NUP160: variants seen among roughly 807,000 people sequenced by gnomAD.
NUP160 encodes nucleoporin 160, also known as nuclear pore complex protein Nup160.
In NUP160, 94 loss-of-function variants were observed where a neutral mutation model predicts 196.9. The observed-to-expected ratio is 0.48, with a 90% CI of 0.40 to 0.57. NUP160 has a LOEUF of 0.57. NUP160 is among the 20% of genes least tolerant of loss of function. The pLI, the probability that NUP160 is intolerant of heterozygous loss-of-function variation, is 0.00. For missense variants in NUP160, 1,638 were observed against 1,748.3 expected, an observed-to-expected ratio of 0.94 and a Z score of 1.13; for synonymous variants, 605 against 619.7, an observed-to-expected ratio of 0.98 and a Z score of 0.35.
rs745909544 is a variant in NUP160, at chr11:47,840,368, G to A, written c.525+10C>T. On this transcript the variant is annotated intron_variant, in intron 3 of 35. Transcript: ENST00000378460. The stretch of plus-strand genomic sequence containing the variant: ...TGGGAAATAAAAGATATTGCACTTA[G>A]CCAACTTACACTCCTATACATCCGG... 2 of 1,606,884 alleles carry A rather than the reference G, an allele frequency of 1.2e-6. No individual in the cohort carries two copies. Among genetic ancestry groups the A allele is most frequent in the South Asian group, 2.2e-5 (2 of 90,922 alleles).
intron 13 of NUP160, among the ~76,000 whole-genome samples, chr11:47,814,664 ATAT>A (rs1599328042): frequency 6.6e-6 from 1 of 152,016 alleles, no homozygotes; most frequent in African/African-American, 2.4e-5. Context: ...AAGCTGTATA[ATAT>A]TATGTCAATA....
chr11:47,819,554 G>T (rs916222338), intron 9 of NUP160, 96 bp from the exon 10 acceptor site: 2 of 697,158 alleles, frequency 2.9e-6, no homozygotes, highest in African/African-American at 3.6e-5. Context: ...ACCCCATCAC[G>T]GAACCCGGCA....
intron 27 of NUP160, 27 bp from the exon 28 acceptor site, chr11:47,792,973 T>C (rs780328174): frequency 2.3e-5 from 36 of 1,584,740 alleles, no homozygotes; most frequent in Admixed American, 3.8e-5. Context: ...AATTAGACTT[T>C]AGAACTTCCA....
rs61755075 is a variant in NUP160 at position 47,792,915 on chromosome 11, C to A, written c.3321G>T (p.Arg1107=). ...GGAGAGTTCGAACTTCTCTGCCAAGCCGCATTCCATACTCAAACATCACTG... is the reference window on the plus strand; with the variant it reads ...GGAGAGTTCGAACTTCTCTGCCAAGACGCATTCCATACTCAAACATCACTG... The change falls in exon 28 of 36, where the codon CGG becomes CGT. Residue 1107 remains arginine (R), a synonymous_variant. Transcript: ENST00000378460. 255 of 1,613,946 alleles carry A rather than the reference C, an allele frequency of 1.6e-4. 1 individual carries two copies. The highest frequency in any genetic ancestry group is 1.6e-3 in the South Asian group (142 of 91,048).
At chr11:47,809,256 CAAAA>C (rs35748617) in intron 17 of NUP160, among the ~76,000 whole-genome samples, 1 of 94,772 alleles carries the variant, frequency 1.1e-5, no homozygotes, top group Non-Finnish European at 1.9e-5. Context: ...GAACTTGTCT[CAAAA>C]AAAAAAAAAA....
At chr11:47,840,956 T>C (rs1004230871) in intron 2 of NUP160, among the ~76,000 whole-genome samples, 2 of 152,162 alleles carry the variant, frequency 1.3e-5, no homozygotes, top group Admixed American at 6.6e-5. Flanking sequence ...ACCTTAATAA[T>C]TGCGGTTATT....
At chr11:47,795,428 T>C (rs1012710915) in intron 27 of NUP160, among the ~76,000 whole-genome samples, 1 of 152,152 alleles carries the variant, frequency 6.6e-6, no homozygotes, top group Non-Finnish European at 1.5e-5. Flanking sequence ...CCTTCCTATA[T>C]GATTCAAGAA....
chr11:47,841,927 C>A (rs1442761887), intron 2 of NUP160, among the ~76,000 whole-genome samples: 2 of 151,708 alleles, frequency 1.3e-5, no homozygotes, highest in Non-Finnish European at 2.9e-5. Context: ...GGCCTCAAGC[C>A]TCCCAAAGTG....
intron 11 of NUP160, 135 bp downstream of exon 11, chr11:47,817,921 A>C (rs1270721912): frequency 1.8e-6 from 1 of 550,474 alleles, no homozygotes; most frequent in Non-Finnish European, 3.3e-6. Flanking sequence ...AAATTATAAA[A>C]GTATTTACAA....
At chr11:47,827,286 C>T (rs1039730480) in intron 7 of NUP160, 1 of 384,706 alleles carries the variant, frequency 2.6e-6, no homozygotes, top group Non-Finnish European at 5.2e-6. Context: ...ATCGCTTGAA[C>T]CTGAGAGGTG....
intron 4 of NUP160, among the ~76,000 whole-genome samples, chr11:47,838,102 C>CAGG (rs778459348): frequency 6.6e-5 from 10 of 152,046 alleles, no homozygotes; most frequent in Non-Finnish European, 1.2e-4. Flanking sequence ...CAGAGAGTGC[C>CAGG]AGGATATAGG....
intron 3 of NUP160, 64 bp downstream of exon 3, chr11:47,840,314 G>T: frequency 7.3e-7 from 1 of 1,370,982 alleles, no homozygotes; most frequent in Non-Finnish European, 1.0e-6. Flanking sequence ...CATCGCTCCA[G>T]CACTACATTT....
chr11:47,813,528 A>C, intron 13 of NUP160, 113 bp from the exon 14 acceptor site: 2 of 660,330 alleles, frequency 3.0e-6, no homozygotes, highest in Non-Finnish European at 5.4e-6. Context: ...ACACTCTATA[A>C]AATAATAGGT....
At chr11:47,803,301 G>A (rs1031670520) in intron 22 of NUP160, 137 bp downstream of exon 22, 10 of 596,846 alleles carry the variant, frequency 1.7e-5, no homozygotes, top group African/African-American at 3.7e-5. Context: ...GCCTTTGACT[G>A]GCATTAGTAC....
In NUP160 at chr11:47,778,862, G is replaced by A. The variant is rs1273571634; in HGVS notation, c.*243C>T. The stretch of plus-strand genomic sequence containing the variant: ...AAAAATATAAACTCTAAAAAAGCTC[G>A]TGAATCATATACAAAAGCAGCTATT... On this transcript the variant is annotated 3_prime_UTR_variant, in exon 36 of 36. Coordinates refer to ENST00000378460, the Ensembl canonical transcript of NUP160. 4 of 351,040 alleles carry A rather than the reference G, an allele frequency of 1.1e-5. No individual in the cohort carries two copies. In the South Asian group the frequency reaches 1.7e-4, roughly 15 times the overall value. The allele number at this position is 351,040 out of a possible 1,614,324, so 21.7% of individuals were successfully genotyped here. A position where few individuals can be genotyped will look rare whatever the true frequency, so the allele number is the denominator to read the frequency against.
intron 15 of NUP160, 127 bp from the exon 16 acceptor site, chr11:47,812,556 C>T: frequency 2.1e-6 from 2 of 955,084 alleles, no homozygotes; most frequent in Non-Finnish European, 3.1e-6. Flanking sequence ...ATCACTCTGG[C>T]ATATAAGATA....
intron 28 of NUP160, chr11:47,792,557 CA>C: frequency 2.3e-6 from 1 of 438,856 alleles, no homozygotes; most frequent in Non-Finnish European, 4.0e-6. Context: ...GGTCTAACTC[CA>C]AAACCACTCT....
chr11:47,822,072 G>T lies in NUP160; in HGVS notation c.1179+15C>A, dbSNP rs201009797. ...TCTTGTACTTATGTGATATGCAAAGGATGAATCAACCTACCTGAGAAGTGA... is the reference window on the plus strand; with the variant it reads ...TCTTGTACTTATGTGATATGCAAAGTATGAATCAACCTACCTGAGAAGTGA... On this transcript the variant is annotated intron_variant, in intron 8 of 35. Coordinates refer to ENST00000378460, the Ensembl canonical transcript of NUP160. The T allele has an allele frequency of 4.5e-4, 703 of 1,551,882 alleles. No individual in the cohort carries two copies. Among genetic ancestry groups the T allele is most frequent in the Non-Finnish European group, 5.6e-4 (634 of 1,126,554 alleles).
chr11:47,821,013 A>G (rs1177301217), intron 9 of NUP160, among the ~76,000 whole-genome samples: 1 of 152,138 alleles, frequency 6.6e-6, no homozygotes, highest in African/African-American at 2.4e-5. Flanking sequence ...GAAGCACTGC[A>G]CTTGTCCAAT....
Sources: allele counts gnomAD v4.1 joint callset (sites outside exome capture counted in the v4.1 genomes callset), GRCh38; gene constraint gnomAD v4.1.1; transcripts MANE v1.5; gene names NCBI Gene and HGNC (gene_info 2026-07-23, HGNC 2026-07-21).